Variants in LAMA2 observed in about 807,000 individuals in gnomAD.
The protein encoded by LAMA2 is laminin subunit alpha-2.
In LAMA2, 269 loss-of-function variants were observed where a neutral mutation model predicts 364.8. That is an observed-to-expected ratio of 0.74 (90% CI 0.67 to 0.82). The LOEUF (loss-of-function observed/expected upper bound fraction) is 0.82. LAMA2 is among the 40% of genes least tolerant of loss of function. LAMA2 has a pLI of 0.00. For synonymous variants in LAMA2, 1,379 were observed against 1,370.6 expected, an observed-to-expected ratio of 1.01 and a Z score of -0.14; for missense variants, 3,807 against 3,873.2, an observed-to-expected ratio of 0.98 and a Z score of 0.45.
At chr6:129,076,529 G>A (rs1349783415) in intron 3 of LAMA2, among the ~76,000 whole-genome samples, 1 of 140,984 alleles carries the variant, frequency 7.1e-6, no homozygotes, top group Non-Finnish European at 1.5e-5. Flanking sequence ...TATAAAATTA[G>A]AGAATCTTTA....
chr6:129,300,625 T>C, intron 21 of LAMA2, 111 bp from the exon 22 acceptor site: 1 of 1,062,154 alleles, frequency 9.4e-7, no homozygotes, highest in Non-Finnish European at 1.5e-6. Flanking sequence ...TATCCTTAAG[T>C]GTAGAACTGA....
chr6:129,371,247 ATGTG>A (rs66522065), intron 34 of LAMA2, among the ~76,000 whole-genome samples: 23,120 of 147,540 alleles, frequency 0.16, 2,052 homozygotes, highest in Non-Finnish European at 0.22. Context: ...GAACTTTGAG[ATGTG>A]TGTGTGTGTG....
chr6:129,299,462 T>C (rs1238946122), intron 21 of LAMA2, among the ~76,000 whole-genome samples: 1 of 152,166 alleles, frequency 6.6e-6, no homozygotes, highest in African/African-American at 2.4e-5. Context: ...GTGTTATACA[T>C]TGTGCTTTGG....
At chr6:128,908,136 G>GA (rs1777626033) in intron 1 of LAMA2, among the ~76,000 whole-genome samples, 2 of 150,818 alleles carry the variant, frequency 1.3e-5, no homozygotes, top group South Asian at 2.1e-4. Context: ...GTATCAGAAT[G>GA]ATGCTGGCCT....
intron 40 of LAMA2, among the ~76,000 whole-genome samples, chr6:129,408,812 C>T (rs548239590): frequency 8.5e-5 from 13 of 152,236 alleles, no homozygotes; most frequent in South Asian, 2.1e-4. Context: ...GCCCATTGAG[C>T]GATGACAGGG....
intron 3 of LAMA2, among the ~76,000 whole-genome samples, chr6:129,066,520 C>A (rs540665505): frequency 1.3e-5 from 2 of 152,252 alleles, no homozygotes; most frequent in East Asian, 3.9e-4. Flanking sequence ...TCAATGTGAT[C>A]CACAGATTCA....
At chr6:129,275,714 TA>T (rs2114375466) in intron 17 of LAMA2, among the ~76,000 whole-genome samples, 1 of 51,032 alleles carries the variant, frequency 2.0e-5, no homozygotes, top group Non-Finnish European at 4.2e-5. Context: ...TTATTTTGTT[TA>T]AAAATTTGTA....
At position 129,192,688 on chromosome 6, in the gene LAMA2, T is replaced by C. The variant is rs1781592615; in HGVS notation, c.1617T>C (p.Asp539=). ...SSYWTYGKIQ[D]MSGWYLTDLP... is the part of the protein sequence containing the mutation. ...TGTGTGTTTTCTCTAAGATACAAGA[T>C]ATGAGTGGCTGGTATCTGACTGACC... is the stretch of plus-strand genomic sequence containing the variant. Residue 539 remains aspartate (D), a synonymous_variant, in exon 12 of 65, where the codon GAT becomes GAC. Coordinates refer to ENST00000421865, the MANE Select transcript of LAMA2 (RefSeq NM_000426.4). 1.2e-6 allele frequency: 2 copies of C among 1,613,864 alleles called. No homozygotes were observed. The highest frequency in any genetic ancestry group is 1.3e-5 in the African/African-American group (1 of 74,926).
chr6:129,158,260 T>A (rs1779242939), intron 8 of LAMA2: 6 of 1,614,130 alleles, frequency 3.7e-6, no homozygotes, highest in Non-Finnish European at 5.1e-6. Context: ...AAACCAAGTA[T>A]GTTTTCATGG....
chr6:128,914,619 T>C (rs1232370080), intron 1 of LAMA2, among the ~76,000 whole-genome samples: 1 of 152,200 alleles, frequency 6.6e-6, no homozygotes, highest in Non-Finnish European at 1.5e-5. Flanking sequence ...TAGGCTTCAA[T>C]TTTAAAGTTG....
chr6:128,981,735 G>A (rs1164795813), intron 1 of LAMA2, among the ~76,000 whole-genome samples: 1 of 152,112 alleles, frequency 6.6e-6, no homozygotes, highest in Non-Finnish European at 1.5e-5. Flanking sequence ...AGGTGACAGA[G>A]CCAGAGCCTG....
At chr6:129,430,094 T>G (rs1056965068) in intron 41 of LAMA2, among the ~76,000 whole-genome samples, 1 of 152,246 alleles carries the variant, frequency 6.6e-6, no homozygotes, top group African/African-American at 2.4e-5. Flanking sequence ...GTTTTCTTGC[T>G]ACATTATGAC....
At chr6:129,063,580 GAATGC>G (rs1246684849) in intron 3 of LAMA2, among the ~76,000 whole-genome samples, 1 of 152,108 alleles carries the variant, frequency 6.6e-6, no homozygotes, top group Non-Finnish European at 1.5e-5. Flanking sequence ...GCTAATCCAG[GAATGC>G]CATTAATTAG....
intron 60 of LAMA2, among the ~76,000 whole-genome samples, chr6:129,504,442 GAT>G (rs748199546): frequency 6.6e-6 from 1 of 152,178 alleles, no homozygotes; most frequent in Non-Finnish European, 1.5e-5. Context: ...AACCAGAATA[GAT>G]ATGTGTAAAA....
chr6:129,153,119 A>G (rs1445030690), intron 7 of LAMA2, among the ~76,000 whole-genome samples: 3 of 152,172 alleles, frequency 2.0e-5, no homozygotes, highest in African/African-American at 4.8e-5. Flanking sequence ...GAAGAGTCTT[A>G]CCCAATCCTT....
chr6:128,991,071 G>C (rs1197412025), intron 1 of LAMA2, among the ~76,000 whole-genome samples: 1 of 151,994 alleles, frequency 6.6e-6, no homozygotes, highest in Non-Finnish European at 1.5e-5. Context: ...CATTTAAGTT[G>C]GATTTTGATT....
chr6:129,202,814 T>G (rs1782390335), intron 12 of LAMA2, among the ~76,000 whole-genome samples: 1 of 152,156 alleles, frequency 6.6e-6, no homozygotes, highest in South Asian at 2.1e-4. Flanking sequence ...AAATAGAAGT[T>G]GAAAGAATGT....
chr6:129,287,761 T>C, intron 18 of LAMA2, 86 bp from the exon 19 acceptor site: 1 of 1,105,062 alleles, frequency 9.0e-7, no homozygotes, highest in Non-Finnish European at 1.4e-6. Flanking sequence ...TCCATCATCC[T>C]GGGAGAAGGG....
intron 3 of LAMA2, among the ~76,000 whole-genome samples, chr6:129,070,999 C>T (rs1386647265): frequency 6.6e-6 from 1 of 152,156 alleles, no homozygotes; most frequent in African/African-American, 2.4e-5. Flanking sequence ...TTGCCTTCTC[C>T]CCTAATAGTA....
Sources: gnomAD v4.1 joint callset for allele counts (sites outside exome capture counted in the v4.1 genomes callset) on GRCh38, gnomAD v4.1.1 for gene constraint, MANE v1.5 for transcripts, NCBI Gene and HGNC (gene_info 2026-07-23, HGNC 2026-07-21) for gene names.